ELN: variants seen among roughly 807,000 people sequenced by gnomAD.
The protein encoded by ELN is tropoelastin.
Under a neutral mutation model 105.8 loss-of-function variants are expected in ELN, and 65 were observed. That is an observed-to-expected ratio of 0.61 (90% CI 0.50 to 0.75). The LOEUF (loss-of-function observed/expected upper bound fraction) is 0.75. Among genes scored for constraint, ELN ranks in the 30% least tolerant of loss-of-function variants. ELN has a pLI of 0.00. For synonymous variants in ELN, 368 were observed against 389.2 expected (o/e 0.95, Z 0.64); for missense variants, 882 against 969.4 (o/e 0.91, Z 1.20).
chr7:74,060,727 G>C, intron 25 of ELN: 1 of 1,226,854 alleles, frequency 8.2e-7, no homozygotes, highest in Non-Finnish European at 1.1e-6. Context: ...TCAGTAGAGG[G>C]GTGGCAGGGC....
rs186744935 is a variant in ELN, at chr7:74,060,583, C to A, written c.1747+82C>A. 2.6e-4 allele frequency: 413 copies of A among 1,604,490 alleles called. 2 individuals carry two copies. The East Asian group carries it at 5.8e-3, about 23-fold the overall frequency. On this transcript the variant is annotated intron_variant, in intron 25 of 32. Coordinates refer to ENST00000252034, the MANE Select transcript of ELN (RefSeq NM_000501.4). Reference sequence around the variant, plus strand: ...TCCTCCTCTCAGCACCTCCCCAGCACCCCCTCATCACCCAGGGGTGCATAG... The same window carrying A: ...TCCTCCTCTCAGCACCTCCCCAGCAACCCCTCATCACCCAGGGGTGCATAG...
At chr7:74,037,588 C>A (rs1161426356) in intron 3 of ELN, 119 bp from the exon 4 acceptor site, 2 of 1,441,728 alleles carry the variant, frequency 1.4e-6, no homozygotes, top group Non-Finnish European at 1.9e-6. Context: ...CAAGTCTGAG[C>A]GGGAGGACCT....
intron 14 of ELN, 132 bp from the exon 15 acceptor site, chr7:74,048,371 C>T: frequency 3.4e-6 from 5 of 1,488,954 alleles, no homozygotes; most frequent in Non-Finnish European, 4.7e-6. Context: ...CTCCATCAGC[C>T]TCTGCCTACT....
rs1279029507 is a variant in ELN at position 74,068,745 on chromosome 7, A to G, written c.*45A>G. ...TCACGACCTCATCAACGTTGGTGCTACTGCTTGGTGGAGAATGTAAACCCT... is the reference window on the plus strand; with the variant it reads ...TCACGACCTCATCAACGTTGGTGCTGCTGCTTGGTGGAGAATGTAAACCCT... On this transcript the variant is annotated 3_prime_UTR_variant, in exon 33 of 33. Coordinates refer to ENST00000252034, the MANE Select transcript of ELN (RefSeq NM_000501.4). 2 of 1,609,018 alleles carry G rather than the reference A, an allele frequency of 1.2e-6. No individual in the cohort carries two copies. The highest frequency in any genetic ancestry group is 1.3e-5 in the African/African-American group (1 of 74,894).
At position 74,069,117 on chromosome 7, in the gene ELN, C is replaced by T. The variant is rs1233603458; in HGVS notation, c.*417C>T. 3.0e-6 allele frequency: 1 copy of T among 330,442 alleles called. No individual in the cohort carries two copies. Among genetic ancestry groups the T allele is most frequent in the African/African-American group, 2.1e-5 (1 of 48,636 alleles). The allele number at this position is 330,442 out of a possible 1,614,324, so 20.5% of individuals were successfully genotyped here. ...GGTGCAGACACTTCCTGGGCAGTCCCAGCTCCCCCTGCCCACCAGGACCCA... is the reference window on the plus strand; with the variant it reads ...GGTGCAGACACTTCCTGGGCAGTCCTAGCTCCCCCTGCCCACCAGGACCCA... On this transcript the variant is annotated 3_prime_UTR_variant, in exon 33 of 33. Coordinates refer to ENST00000252034, the MANE Select transcript of ELN (RefSeq NM_000501.4).
At chr7:74,066,875 AC>A in intron 32 of ELN, 99 bp downstream of exon 32, 1 of 1,346,082 alleles carries the variant, frequency 7.4e-7, no homozygotes, top group Non-Finnish European at 1.0e-6. Flanking sequence ...CTGAGCCAGC[AC>A]CCAGGGGTGG....
rs770507487 is a variant in ELN at position 74,043,179 on chromosome 7, A to G, written c.427+11A>G. 3.2e-6 allele frequency: 5 copies of G among 1,583,136 alleles called. No homozygotes were observed. Among genetic ancestry groups the G allele is most frequent in the Non-Finnish European group, 4.3e-6 (5 of 1,164,216 alleles). ...CTGGGAAAGTGCCGGGTCAGTGCGG[A>G]ATCCCTGGGGCTGGAGGACAGAGGG... On this transcript the variant is annotated intron_variant, in intron 8 of 32. Transcript: ENST00000252034.
rs373193000 is a variant in ELN at position 74,066,777 on chromosome 7, G to A, written c.2131+1G>A. ...TTCGGATTGTCTCCCATTTTCCCAGGTATGCCAGGCTCCCTGCCCCTGGGC... is the reference window on the plus strand; with the variant it reads ...TTCGGATTGTCTCCCATTTTCCCAGATATGCCAGGCTCCCTGCCCCTGGGC... On this transcript the variant is annotated splice_donor_variant, in intron 32 of 32. Transcript: ENST00000252034. LOFTEE classifies it high-confidence loss of function. 7 of 1,613,088 alleles carry A rather than the reference G, an allele frequency of 4.3e-6. No individual in the cohort carries two copies. The African/African-American group carries it at 9.4e-5, about 22-fold the overall frequency.
chr7:74,057,390 G>A, intron 21 of ELN: 1 of 1,501,792 alleles, frequency 6.7e-7, no homozygotes, highest in Non-Finnish European at 8.8e-7. Context: ...AGGTGCTGCA[G>A]GAGCAGGAGT....
At chr7:74,050,595 A>G (rs528815499) in intron 15 of ELN, among the ~76,000 whole-genome samples, 5 of 151,182 alleles carry the variant, frequency 3.3e-5, no homozygotes, top group Non-Finnish European at 7.4e-5. Context: ...CCATCCATCC[A>G]TTCACCCATG....
At chr7:74,038,994 C>A (rs1790570462) in intron 4 of ELN, among the ~76,000 whole-genome samples, 1 of 152,130 alleles carries the variant, frequency 6.6e-6, no homozygotes, top group African/African-American at 2.4e-5. Flanking sequence ...TTAGCAGGGT[C>A]TTTGACGGTG....
intron 15 of ELN, among the ~76,000 whole-genome samples, chr7:74,049,740 C>A (rs949325640): frequency 6.0e-5 from 9 of 150,994 alleles, no homozygotes; most frequent in Non-Finnish European, 1.3e-4. Context: ...ATTCTTCCCT[C>A]TATCCATCCA....
intron 4 of ELN, among the ~76,000 whole-genome samples, chr7:74,040,461 G>A (rs3823879): frequency 0.11 from 17,311 of 152,242 alleles, 1,364 homozygotes; most frequent in East Asian, 0.21. Flanking sequence ...ACCACACCCA[G>A]GGAAAGCCAG....
At chr7:74,036,632 C>T (rs781834094) in intron 3 of ELN, 48 bp downstream of exon 3, 1 of 1,613,746 alleles carries the variant, frequency 6.2e-7, no homozygotes, top group Non-Finnish European at 8.5e-7. Context: ...GCCTGGGTTT[C>T]ACCCGAGCCA....
chr7:74,046,241 G>T, intron 11 of ELN, 24 bp downstream of exon 11: 1 of 1,614,134 alleles, frequency 6.2e-7, no homozygotes, highest in Non-Finnish European at 8.5e-7. Context: ...GGTGGGAGAA[G>T]CAGGGTGGCC....
chr7:74,045,617 C>A (rs1189983184), intron 10 of ELN: 6 of 402,092 alleles, frequency 1.5e-5, no homozygotes, highest in African/African-American at 1.0e-4. Context: ...GTCACACACA[C>A]CTATGATCCC....
At chr7:74,058,087 CCTCCTT>C (rs1268907404) in intron 22 of ELN, among the ~76,000 whole-genome samples, 19 of 151,338 alleles carry the variant, frequency 1.3e-4, no homozygotes, top group East Asian at 5.9e-4. Context: ...TTCTCCTCCT[CCTCCTT>C]CTCCTTCTCC....
chr7:74,046,638 T>A (rs1461778017), intron 11 of ELN, 58 bp from the exon 12 acceptor site: 1 of 1,578,722 alleles, frequency 6.3e-7, no homozygotes, highest in Admixed American at 1.7e-5. Flanking sequence ...GTGGAGTGGG[T>A]GGCGGAGGGT....
chr7:74,048,236 A>G, intron 14 of ELN, 35 bp downstream of exon 14: 4 of 1,613,676 alleles, frequency 2.5e-6, no homozygotes, highest in Non-Finnish European at 3.4e-6. Context: ...CAGCCAAGGG[A>G]GCACTGATCT....
Sources: gnomAD v4.1 joint callset for allele counts (sites outside exome capture counted in the v4.1 genomes callset) on GRCh38, gnomAD v4.1.1 for gene constraint, MANE v1.5 for transcripts, NCBI Gene and HGNC (gene_info 2026-07-23, HGNC 2026-07-21) for gene names.